Variants in SLC35D4 observed in about 807,000 individuals in gnomAD.
SLC35D4 encodes UDP-N-acetylglucosamine transporter SLC35D4.
At chr18:23,278,608 G>A in the SLC35D4 span, among the ~76,000 whole-genome samples, 10 of 152,124 alleles carry the variant, frequency 6.6e-5, no homozygotes, top group Admixed American at 3.9e-4. Context: ...ACTAATAATG[G>A]CTGTCATTTC....
At chr18:23,306,312 T>C in the SLC35D4 span, among the ~76,000 whole-genome samples, 1 of 152,034 alleles carries the variant, frequency 6.6e-6, no homozygotes, top group African/African-American at 2.4e-5. Context: ...TTCTTCTTCT[T>C]ATTTTTTTTT....
At chr18:23,285,272 T>C in the SLC35D4 span, among the ~76,000 whole-genome samples, 2 of 152,254 alleles carry the variant, frequency 1.3e-5, no homozygotes, top group Admixed American at 6.5e-5. Flanking sequence ...TACCCTTCTC[T>C]TTAAACTTGC....
At chr18:23,320,539 G>A in the SLC35D4 span, among the ~76,000 whole-genome samples, 9 of 152,082 alleles carry the variant, frequency 5.9e-5, no homozygotes, top group African/African-American at 1.9e-4. Context: ...ACATGCCTAT[G>A]TCTTTGATGA....
the SLC35D4 span, among the ~76,000 whole-genome samples, chr18:23,429,828 T>C: frequency 1.3e-5 from 2 of 152,246 alleles, no homozygotes; most frequent in South Asian, 2.1e-4. Context: ...TCTATTCGTG[T>C]ACTTTGCCCA....
chr18:23,256,462 C>T, the SLC35D4 span, among the ~76,000 whole-genome samples: 1 of 152,152 alleles, frequency 6.6e-6, no homozygotes, highest in African/African-American at 2.4e-5. Context: ...TTTTTATTGT[C>T]GTGCGTGGTT....
the SLC35D4 span, among the ~76,000 whole-genome samples, chr18:23,340,428 TA>T: frequency 6.0e-4 from 92 of 152,168 alleles, no homozygotes; most frequent in Admixed American, 1.8e-3. Flanking sequence ...AGGGAAGGGA[TA>T]GGGGAGGCAA....
the SLC35D4 span, among the ~76,000 whole-genome samples, chr18:23,242,009 C>G: frequency 6.6e-6 from 1 of 152,194 alleles, no homozygotes; most frequent in African/African-American, 2.4e-5. Context: ...GGTGCAGTGG[C>G]TCACGCCTGT....
At chr18:23,317,963 C>G in the SLC35D4 span, among the ~76,000 whole-genome samples, 2 of 152,138 alleles carry the variant, frequency 1.3e-5, no homozygotes, top group African/African-American at 2.4e-5. Flanking sequence ...ATCTCGAACT[C>G]CTGACCTCAA....
chr18:23,337,913 C>T, the SLC35D4 span, among the ~76,000 whole-genome samples: 1 of 152,148 alleles, frequency 6.6e-6, no homozygotes, highest in East Asian at 1.9e-4. Flanking sequence ...AAGGATACAT[C>T]AAAAAGAGGC....
the SLC35D4 span, among the ~76,000 whole-genome samples, chr18:23,325,464 C>T: frequency 1.3e-5 from 2 of 152,020 alleles, no homozygotes; most frequent in Non-Finnish European, 2.9e-5. Context: ...TTGAGTGTGG[C>T]CGCATGATTC....
the SLC35D4 span, among the ~76,000 whole-genome samples, chr18:23,248,094 C>T: frequency 4.6e-5 from 7 of 152,230 alleles, no homozygotes; most frequent in South Asian, 2.1e-4. Flanking sequence ...GTGGGCCTGG[C>T]GCGCTCTGCC....
the SLC35D4 span, among the ~76,000 whole-genome samples, chr18:23,432,856 T>C: frequency 0.94 from 142,100 of 151,286 alleles, 66,795 homozygotes; most frequent in African/African-American, 0.95. Context: ...TTGTGCAAGC[T>C]GTGCTCCCAG....
chr18:23,331,606 A>T, the SLC35D4 span: 1 of 152,900 alleles, frequency 6.5e-6, no homozygotes, highest in African/African-American at 2.4e-5. Context: ...GTAGTGTAGG[A>T]GGCACAGGAA....
At chr18:23,275,599 G>GTGCTGTGCTGTGCTGTGCTA in the SLC35D4 span, among the ~76,000 whole-genome samples, 2 of 19,096 alleles carry the variant, frequency 1.0e-4, no homozygotes, top group African/African-American at 9.6e-4. Context: ...AAAGAGTGCT[G>GTGCTGTGCTGTGCTGTGCTA]TGCTGTGCTG....
chr18:23,327,823 G>T, the SLC35D4 span, among the ~76,000 whole-genome samples: 3 of 152,076 alleles, frequency 2.0e-5, no homozygotes. Context: ...CTGGCAAACC[G>T]AATCCAGCAG....
At chr18:23,371,935 G>GTTTTTTTTTTGTTTTTTTTT in the SLC35D4 span, among the ~76,000 whole-genome samples, 1 of 35,480 alleles carries the variant, frequency 2.8e-5, no homozygotes, top group African/African-American at 1.2e-4. Context: ...TGTTTTTTTT[G>GTTTTTTTTTTGTTTTTTTTT]TTTTTTTTTT....
the SLC35D4 span, among the ~76,000 whole-genome samples, chr18:23,397,164 AC>A: frequency 1.3e-5 from 2 of 152,134 alleles, no homozygotes; most frequent in African/African-American, 4.8e-5. Flanking sequence ...CATATCTGGG[AC>A]CCAGGCAGAG....
the SLC35D4 span, among the ~76,000 whole-genome samples, chr18:23,275,987 C>T: frequency 2.0e-5 from 3 of 152,066 alleles, no homozygotes; most frequent in Admixed American, 6.5e-5. Flanking sequence ...GTTTCTGTTA[C>T]GGATGATGAA....
At chr18:23,347,426 T>C in the SLC35D4 span, among the ~76,000 whole-genome samples, 2 of 151,572 alleles carry the variant, frequency 1.3e-5, no homozygotes, top group Non-Finnish European at 2.9e-5. Context: ...TCTTCTCTCC[T>C]ATCTCTCTCT....
Sources: gnomAD v4.1 joint callset for allele counts (sites outside exome capture counted in the v4.1 genomes callset) on GRCh38, gnomAD v4.1.1 for gene constraint, MANE v1.5 for transcripts, NCBI Gene and HGNC (gene_info 2026-07-23, HGNC 2026-07-21) for gene names.